Variants in USP42 observed in about 807,000 individuals in gnomAD.
The protein encoded by USP42 is ubiquitin specific peptidase 42.
In USP42, 23 loss-of-function variants were observed where a neutral mutation model predicts 113.0. That is an observed-to-expected ratio of 0.20 (90% CI 0.15 to 0.29). The LOEUF (loss-of-function observed/expected upper bound fraction) is 0.29. Ranked by LOEUF, USP42 falls within the 10% of genes least tolerant of loss-of-function variation. The probability of loss-of-function intolerance (pLI) is 1.00; values close to 1 mark genes in which losing one functional copy is unlikely to be tolerated. For missense variants in USP42, 2,174 were observed against 1,779.8 expected (o/e 1.22, Z -3.99); for synonymous variants, 933 against 699.0 (o/e 1.33, Z -5.28).
At chr7:6,127,669 G>GT (rs1440532907) in intron 3 of USP42, among the ~76,000 whole-genome samples, 1 of 152,196 alleles carries the variant, frequency 6.6e-6, no homozygotes, top group Non-Finnish European at 1.5e-5. Flanking sequence ...CCTTGTTACT[G>GT]TAGTTATGTA....
At chr7:6,156,345 C>G (rs1782444014) in intron 15 of USP42, among the ~76,000 whole-genome samples, 1 of 152,200 alleles carries the variant, frequency 6.6e-6, no homozygotes, top group South Asian at 2.1e-4. Context: ...GTTTGTCCAA[C>G]AGCCTTAGTT....
intron 2 of USP42, among the ~76,000 whole-genome samples, chr7:6,112,907 T>C (rs1343405096): frequency 2.0e-5 from 3 of 146,566 alleles, no homozygotes; most frequent in African/African-American, 7.6e-5. Flanking sequence ...TTTCTTTTTT[T>C]TTTTTTTTTT....
chr7:6,087,095 G>A, the USP42 span, among the ~76,000 whole-genome samples: 1 of 145,710 alleles, frequency 6.9e-6, no homozygotes. Flanking sequence ...GCAGTGGTGC[G>A]ATCTCAGCCC....
At chr7:6,156,681 A>AG in intron 15 of USP42, 73 bp from the exon 16 acceptor site, 2 of 1,458,084 alleles carry the variant, frequency 1.4e-6, no homozygotes, top group Non-Finnish European at 9.0e-7. Flanking sequence ...ATGGGTGGAA[A>AG]GGCCAAGCTC....
the USP42 span, among the ~76,000 whole-genome samples, chr7:6,090,926 T>C: frequency 1.3e-5 from 2 of 150,526 alleles, no homozygotes; most frequent in African/African-American, 5.0e-5. Context: ...GTATTTATCC[T>C]GTCAGCAATT....
chr7:6,100,008 TA>T (rs1275770732), upstream of USP42, among the ~76,000 whole-genome samples: 15 of 147,700 alleles, frequency 1.0e-4, 2 homozygotes, highest in South Asian at 8.4e-4. Flanking sequence ...ACAAGTCTAT[TA>T]TTATTATTAT....
intron 3 of USP42, chr7:6,116,925 G>C (rs770033103): frequency 5.9e-6 from 3 of 506,814 alleles, no homozygotes; most frequent in Admixed American, 2.3e-5. Context: ...AGAAGCTCCC[G>C]ATGTCCAGAA....
intron 3 of USP42, among the ~76,000 whole-genome samples, chr7:6,119,896 C>G (rs575662644): frequency 2.0e-4 from 31 of 152,202 alleles, no homozygotes; most frequent in African/African-American, 7.5e-4. Context: ...TAGAGACAGT[C>G]TCACCATGTT....
chr7:6,131,655 C>T (rs963038761), intron 3 of USP42, among the ~76,000 whole-genome samples: 6 of 152,148 alleles, frequency 3.9e-5, no homozygotes, highest in Non-Finnish European at 8.8e-5. Flanking sequence ...GTTGTTGGGG[C>T]TTCCAGGTTG....
At chr7:6,082,603 G>GTTTTTTTTTTTTTTT in the USP42 span, among the ~76,000 whole-genome samples, 13 of 90,194 alleles carry the variant, frequency 1.4e-4, 2 homozygotes, top group African/African-American at 3.1e-4. Flanking sequence ...CTTTCTTTCT[G>GTTTTTTTTTTTTTTT]TTTTTTTTTT....
chr7:6,102,709 G>A (rs1021683645), upstream of USP42, among the ~76,000 whole-genome samples: 1 of 150,896 alleles, frequency 6.6e-6, no homozygotes, highest in African/African-American at 2.5e-5. Context: ...AGTGGGGTAG[G>A]GCTGGGTACT....
In USP42 at chr7:6,157,711, C is replaced by T. The variant is rs540065731; in HGVS notation, c.3943+656C>T. 6.6e-6 allele frequency among the ~76,000 whole-genome samples: 1 copy of T among 152,354 alleles called. No homozygotes were observed. The highest frequency in any genetic ancestry group is 1.9e-4 in the East Asian group (1 of 5,186). On this transcript the variant is annotated intron_variant, in intron 16 of 17. Coordinates refer to ENST00000306177, the MANE Select transcript of USP42 (RefSeq NM_032172.3). The surrounding 1 kb of genome is among the most constrained non-coding windows in gnomAD (Gnocchi z 4.1). Reference sequence around the variant, plus strand: ...CCTTAAACCTGTAGCATTCTGAGTGCACCCTGATGCTCGGTACTGATTTGC... The same window carrying T: ...CCTTAAACCTGTAGCATTCTGAGTGTACCCTGATGCTCGGTACTGATTTGC...
At chr7:6,133,891 C>CT (rs386409441) in intron 3 of USP42, among the ~76,000 whole-genome samples, 25,439 of 128,990 alleles carry the variant, frequency 0.2, 3,503 homozygotes, top group East Asian at 0.41. Flanking sequence ...GTTTCTTCTT[C>CT]TTTTTTTTTT....
Position 6,154,875 on chromosome 7 carries a change from G to T in USP42, c.3321G>T (p.Arg1107=). The T allele has an allele frequency of 6.5e-7, 1 of 1,529,022 alleles. No individual in the cohort carries two copies. Among genetic ancestry groups the T allele is most frequent in the Non-Finnish European group, 8.8e-7 (1 of 1,136,582 alleles). 94.7% of individuals were successfully genotyped at this position (1,529,022 alleles called of 1,614,324 possible). ...NRGRRGCEPA[R]ERERHRPSSP... is the part of the protein sequence containing the mutation. ...GCCGTAGGGGCTGCGAGCCGGCCCG[G>T]GAGAGGGAGCGGCACCGCCCCAGCA... is the stretch of plus-strand genomic sequence containing the variant. Residue 1107 remains arginine, a synonymous_variant, in exon 15 of 18, where the codon CGG becomes CGT. Coordinates refer to ENST00000306177, the MANE Select transcript of USP42 (RefSeq NM_032172.3).
chr7:6,104,595 G>C (rs1180471419), upstream of USP42, among the ~76,000 whole-genome samples: 2 of 152,200 alleles, frequency 1.3e-5, no homozygotes, highest in African/African-American at 2.4e-5. Context: ...AAAGCCCAAA[G>C]TCCTACGCCC....
intron 3 of USP42, 111 bp downstream of exon 3, chr7:6,115,634 G>C: frequency 7.4e-7 from 1 of 1,351,526 alleles, no homozygotes; most frequent in Non-Finnish European, 1.0e-6. Flanking sequence ...TTACTAAGAA[G>C]TTGGTTTATT....
the USP42 span, among the ~76,000 whole-genome samples, chr7:6,097,577 G>A: frequency 6.7e-6 from 1 of 149,462 alleles, no homozygotes; most frequent in Non-Finnish European, 1.5e-5. Context: ...CAGCCATGTG[G>A]GTTATTTCTT....
the USP42 span, among the ~76,000 whole-genome samples, chr7:6,092,163 C>T: frequency 7.9e-6 from 1 of 126,808 alleles, no homozygotes; most frequent in African/African-American, 3.1e-5. Flanking sequence ...TCTTCTTCTT[C>T]TTTCTTCTTC....
At chr7:6,091,680 T>C in the USP42 span, among the ~76,000 whole-genome samples, 5 of 136,078 alleles carry the variant, frequency 3.7e-5, no homozygotes, top group Admixed American at 7.4e-5. Flanking sequence ...TATGTTAGCA[T>C]ACACACACAC....
Sources: gnomAD v4.1 joint callset for allele counts (sites outside exome capture counted in the v4.1 genomes callset) on GRCh38, gnomAD v4.1.1 for gene constraint, Gnocchi (gnomAD v3.1) non-coding constraint, MANE v1.5 for transcripts, NCBI Gene and HGNC (gene_info 2026-07-23, HGNC 2026-07-21) for gene names.